Variants in SPATA16 observed in about 807,000 individuals in gnomAD.
SPATA16 encodes the protein spermatogenesis associated 16, also known as spermatogenesis-associated protein 16.
A neutral mutation model predicts 63.3 loss-of-function variants in SPATA16; 36 were observed. The ratio of observed to expected loss-of-function variants is 0.57; its 90% CI spans 0.44 to 0.75. The LOEUF (loss-of-function observed/expected upper bound fraction) is 0.75. Ranked by LOEUF, SPATA16 falls within the 30% of genes least tolerant of loss-of-function variation. SPATA16 has a pLI of 0.00. For synonymous variants in SPATA16, 203 were observed against 216.7 expected (o/e 0.94, Z 0.56); for missense variants, 646 against 679.3 (o/e 0.95, Z 0.54).
chr3:173,088,070 C>CTTTCTT lies in SPATA16; in HGVS notation c.612+29044_612+29049dup, dbSNP rs1553801677. 9.5e-5 allele frequency among the ~76,000 whole-genome samples: 10 copies of CTTTCTT among 105,442 alleles called. 2 individuals are homozygous for CTTTCTT. Among genetic ancestry groups the CTTTCTT allele is most frequent in the African/African-American group, 3.5e-4 (10 of 28,858 alleles). The allele number at this position is 105,442 out of a possible 152,430, so 69.2% of individuals were successfully genotyped here. On this transcript the variant is annotated intron_variant, in intron 2 of 10. Coordinates refer to ENST00000351008, the MANE Select transcript of SPATA16 (RefSeq NM_031955.6). ...TCTTTCTTTCTTTCTTTCTTTCTTT[C>CTTTCTT]TTTCTTTCTGTCTTTTCTTTTTTTT...
At chr3:173,122,731 G>T (rs1738112942) in intron 1 of SPATA16, among the ~76,000 whole-genome samples, 2 of 152,324 alleles carry the variant, frequency 1.3e-5, no homozygotes, top group Middle Eastern at 3.4e-3. Flanking sequence ...CGAGACAGGG[G>T]TCTTGGCATT....
At chr3:173,023,135 G>A (rs1577136356) in intron 3 of SPATA16, among the ~76,000 whole-genome samples, 1 of 131,422 alleles carries the variant, frequency 7.6e-6, no homozygotes, top group East Asian at 2.1e-4. Context: ...TGATGCTTGT[G>A]TATGTGTGTG....
chr3:173,119,304 C>T (rs1304058246), intron 1 of SPATA16, among the ~76,000 whole-genome samples: 1 of 152,128 alleles, frequency 6.6e-6, no homozygotes, highest in Non-Finnish European at 1.5e-5. Flanking sequence ...GCACATGTAT[C>T]CCAGAACTTA....
At chr3:173,054,827 A>G (rs1039033342) in intron 2 of SPATA16, among the ~76,000 whole-genome samples, 4 of 152,182 alleles carry the variant, frequency 2.6e-5, no homozygotes, top group South Asian at 2.1e-4. Context: ...TTTTTCTTAC[A>G]TGCCCATAGA....
chr3:172,918,036 AT>A (rs1467577221), intron 8 of SPATA16, among the ~76,000 whole-genome samples: 1 of 152,180 alleles, frequency 6.6e-6, no homozygotes, highest in Non-Finnish European at 1.5e-5. Context: ...CTGATTAATC[AT>A]TTATCTGAAA....
rs116593517 is a variant in SPATA16, at chr3:173,043,080, T to C, written c.758+5869A>G. Among the ~76,000 whole-genome samples the C allele has an allele frequency of 2.5e-3, 383 of 152,224 alleles. 3 individuals carry two copies. Among genetic ancestry groups the C allele is most frequent in the African/African-American group, 8.4e-3 (349 of 41,562 alleles). On this transcript the variant is annotated intron_variant, in intron 3 of 10. Coordinates refer to ENST00000351008, the MANE Select transcript of SPATA16 (RefSeq NM_031955.6). The stretch of plus-strand genomic sequence containing the variant: ...TATGCTTTATATAGATAGCATTTAG[T>C]TGAGCCTTGCAATGTAATCCAGACT...
chr3:173,028,468 A>C (rs1217221646), intron 3 of SPATA16, among the ~76,000 whole-genome samples: 1 of 151,914 alleles, frequency 6.6e-6, no homozygotes, highest in Non-Finnish European at 1.5e-5. Context: ...TTCATTAGTG[A>C]ACTAAGATTA....
chr3:173,110,583 A>G (rs1737726547), intron 2 of SPATA16, among the ~76,000 whole-genome samples: 1 of 152,230 alleles, frequency 6.6e-6, no homozygotes, highest in African/African-American at 2.4e-5. Context: ...CAACTTGTAC[A>G]TGAATTTAGA....
intron 2 of SPATA16, among the ~76,000 whole-genome samples, chr3:173,057,484 G>T (rs1202435128): frequency 2.0e-5 from 3 of 151,648 alleles, no homozygotes; most frequent in East Asian, 1.9e-4. Context: ...TATCTATTAG[G>T]CTCTCTGATT....
intron 4 of SPATA16, among the ~76,000 whole-genome samples, chr3:173,002,221 A>G (rs1269580418): frequency 1.3e-5 from 2 of 152,158 alleles, no homozygotes; most frequent in Admixed American, 6.5e-5. Flanking sequence ...GTAGGGTTAT[A>G]TAATTAAGAG....
At chr3:173,101,783 C>T (rs1318889723) in intron 2 of SPATA16, among the ~76,000 whole-genome samples, 1 of 152,088 alleles carries the variant, frequency 6.6e-6, no homozygotes, top group Non-Finnish European at 1.5e-5. Flanking sequence ...TACTCCTGGA[C>T]CAAACCTCTA....
rs111446577 is a variant in SPATA16, at chr3:173,020,294, GA to G, written c.759-720del. ...GGGACAAGAGCGAGACTTCGTCTCA[GA>G]AAAAAAAAAAAAAGAGGAACTGGAA... is the stretch of plus-strand genomic sequence containing the variant. On this transcript the variant is annotated intron_variant, in intron 3 of 10. Transcript: ENST00000351008. Among the ~76,000 whole-genome samples the G allele has an allele frequency of 7.8e-3, 1,022 of 130,906 alleles. 5 individuals are homozygous for G. Among genetic ancestry groups the G allele is most frequent in the Non-Finnish European group, 0.01 (634 of 60,650 alleles). 85.9% of individuals were successfully genotyped at this position (130,906 alleles called of 152,430 possible).
Position 172,916,304 on chromosome 3 carries a change from G to T in SPATA16, c.1503+13C>A. ...TGGGCCTATGAAACCCTTAAACAAAGAAAAATACTTACCAATTCTGCCTCC... is the reference window on the plus strand; with the variant it reads ...TGGGCCTATGAAACCCTTAAACAAATAAAAATACTTACCAATTCTGCCTCC... On this transcript the variant is annotated intron_variant, in intron 9 of 10. Coordinates refer to ENST00000351008, the MANE Select transcript of SPATA16 (RefSeq NM_031955.6). 1 of 1,608,142 alleles carries T rather than the reference G, an allele frequency of 6.2e-7. No homozygotes were observed. Among genetic ancestry groups the T allele is most frequent in the South Asian group, 1.1e-5 (1 of 90,942 alleles).
chr3:173,091,004 G>A (rs1172829351), intron 2 of SPATA16, among the ~76,000 whole-genome samples: 1 of 152,042 alleles, frequency 6.6e-6, no homozygotes, highest in African/African-American at 2.4e-5. Context: ...CCTATTAGGT[G>A]GGAGGACATT....
intron 3 of SPATA16, among the ~76,000 whole-genome samples, chr3:173,037,234 A>G (rs1314424942): frequency 3.9e-5 from 6 of 152,016 alleles, no homozygotes; most frequent in African/African-American, 4.8e-5. Flanking sequence ...TAAGACTAAA[A>G]TACCCTCTCT....
At chr3:173,087,767 C>A (rs891798786) in intron 2 of SPATA16, among the ~76,000 whole-genome samples, 8 of 152,086 alleles carry the variant, frequency 5.3e-5, no homozygotes, top group Admixed American at 5.2e-4. Context: ...GATTTTATTT[C>A]TCCTTCCCTT....
intron 3 of SPATA16, among the ~76,000 whole-genome samples, chr3:173,033,421 A>G (rs1490786589): frequency 2.0e-5 from 3 of 152,152 alleles, no homozygotes; most frequent in African/African-American, 7.2e-5. Flanking sequence ...ATCTTTTGAC[A>G]TTTTCATTTT....
At chr3:172,928,526 CTGA>C (rs1405162133) in intron 6 of SPATA16, among the ~76,000 whole-genome samples, 1 of 152,126 alleles carries the variant, frequency 6.6e-6, no homozygotes, top group African/African-American at 2.4e-5. Flanking sequence ...CAAAACCAGC[CTGA>C]TGTTTGAGGA....
At chr3:172,947,309 T>G (rs114273067) in intron 6 of SPATA16, among the ~76,000 whole-genome samples, 5,413 of 152,266 alleles carry the variant, frequency 0.036, 149 homozygotes, top group Admixed American at 0.1. Context: ...AATAAACTCT[T>G]TATGCCCAGA....
Sources: gnomAD v4.1 joint callset for allele counts (sites outside exome capture counted in the v4.1 genomes callset) on GRCh38, gnomAD v4.1.1 for gene constraint, MANE v1.5 for transcripts, NCBI Gene and HGNC (gene_info 2026-07-23, HGNC 2026-07-21) for gene names.